TP53BP1: variants seen among roughly 807,000 people sequenced by gnomAD.
TP53BP1 encodes the protein tumor protein p53 binding protein 1.
Under a neutral mutation model 200.8 loss-of-function variants are expected in TP53BP1, and 61 were observed. That is an observed-to-expected ratio of 0.30 (90% confidence interval 0.25 to 0.38). The LOEUF (loss-of-function observed/expected upper bound fraction) is 0.38, where lower values mean the gene tolerates loss of function less well. TP53BP1 is among the 10% of genes least tolerant of loss of function. The probability of loss-of-function intolerance (pLI) is 1.00; values close to 1 mark genes in which losing one functional copy is unlikely to be tolerated. For synonymous variants in TP53BP1, 822 were observed against 844.3 expected (o/e 0.97, Z 0.46); for missense variants, 2,144 against 2,371.9 (o/e 0.90, Z 2.00).
chr15:43,475,325 A>T (rs1409619068), intron 9 of TP53BP1, among the ~76,000 whole-genome samples: 1 of 152,256 alleles, frequency 6.6e-6, no homozygotes, highest in Non-Finnish European at 1.5e-5. Flanking sequence ...ACATTTTCTA[A>T]ATAACTGCGC....
At position 43,432,311 on chromosome 15, in the gene TP53BP1, C is replaced by T. The variant is rs371446511; in HGVS notation, c.3558G>A (p.Gly1186=). Residue 1186 remains glycine, a synonymous_variant, in exon 17 of 28, where the codon GGG becomes GGA. Transcript: ENST00000382044. The part of the protein sequence containing the change: ...TQTIKNVCEQ[G]TSTVDQNFGK... ...CAAAGTTCTGGTCCACTGTACTGGT[C>T]CCCTGCTCACACACATTCTTTATAG... The T allele has an allele frequency of 4.5e-5, 72 of 1,614,032 alleles. No homozygotes were observed. Among genetic ancestry groups the T allele is most frequent in the Non-Finnish European group, 3.4e-5 (40 of 1,180,022 alleles).
In TP53BP1 at chr15:43,404,157, C is replaced by A; in HGVS notation, c.*3226G>T. Reference sequence around the variant, plus strand: ...AAACGGGTTCTCCCCAACCCCAGTACTTGACAAAATACATTAACTGGAAAC... The same window carrying A: ...AAACGGGTTCTCCCCAACCCCAGTAATTGACAAAATACATTAACTGGAAAC... On this transcript the variant is annotated 3_prime_UTR_variant, in exon 28 of 28. Transcript: ENST00000382044. The A allele has an allele frequency of 1.9e-6, 1 of 538,960 alleles. No homozygotes were observed. Among genetic ancestry groups the A allele is most frequent in the Non-Finnish European group, 3.3e-6 (1 of 304,676 alleles). The allele number at this position is 538,960 out of a possible 1,614,324, so 33.4% of individuals were successfully genotyped here.
At chr15:43,453,582 C>CT (rs886890330) in intron 12 of TP53BP1, among the ~76,000 whole-genome samples, 134 of 144,004 alleles carry the variant, frequency 9.3e-4, no homozygotes, top group South Asian at 1.5e-3. Flanking sequence ...TAAATAGGGA[C>CT]TTTTTTTTTT....
intron 14 of TP53BP1, among the ~76,000 whole-genome samples, chr15:43,443,513 G>A (rs990760565): frequency 1.3e-5 from 2 of 151,716 alleles, no homozygotes; most frequent in South Asian, 2.1e-4. Flanking sequence ...CTAACATGGC[G>A]AAGCCCCATC....
chr15:43,509,049 C>A (rs2079254298), intron 1 of TP53BP1, among the ~76,000 whole-genome samples: 1 of 152,110 alleles, frequency 6.6e-6, no homozygotes, highest in Admixed American at 6.5e-5. Flanking sequence ...GCGGCCTCAT[C>A]TCTGCAGTTG....
chr15:43,446,559 T>C lies in TP53BP1; in HGVS notation c.2868A>G (p.Ala956=). The part of the protein sequence containing the change: ...GISNYPESTI[A]TSDVMSESMV... The stretch of plus-strand genomic sequence containing the variant: ...TGCTTTCAGACATGACATCACTGGT[T>C]GCTATGGTGCTTTCTGGATAGTTGC... The change falls in exon 14 of 28, where the codon GCA becomes GCG. Residue 956 remains alanine, a synonymous_variant. Transcript: ENST00000382044. 6.2e-7 allele frequency: 1 copy of C among 1,614,156 alleles called. No homozygotes were observed. Among genetic ancestry groups the C allele is most frequent in the Non-Finnish European group, 8.5e-7 (1 of 1,180,020 alleles).
chr15:43,487,763 G>A lies in TP53BP1; in HGVS notation c.371+3906C>T, dbSNP rs573681101. Among the ~76,000 whole-genome samples, 4 of 142,904 alleles carry A rather than the reference G, an allele frequency of 2.8e-5. No individual in the cohort carries two copies. The South Asian group carries it at 6.6e-4, about 23-fold the overall frequency. 93.8% of individuals were successfully genotyped at this position (142,904 alleles called of 152,430 possible). ...GCTGAGATTGCATTCCAGCCTGGGC[G>A]ACAGAGCAAGACTCCATCTCAAAAA... On this transcript the variant is annotated intron_variant, in intron 4 of 27. Transcript: ENST00000382044.
In TP53BP1 at chr15:43,432,520, G is replaced by A. The variant is rs768426673; in HGVS notation, c.3349C>T (p.Pro1117Ser). 6.2e-7 allele frequency: 1 copy of A among 1,614,090 alleles called. No individual in the cohort carries two copies. Among genetic ancestry groups the A allele is most frequent in the Non-Finnish European group, 8.5e-7 (1 of 1,180,008 alleles). ...ATTGCCTCTCCTTGAGGACTGGATGGCCCTTGTATGACCATCTTCTGGGAA... is the reference window on the plus strand; with the variant it reads ...ATTGCCTCTCCTTGAGGACTGGATGACCCTTGTATGACCATCTTCTGGGAA... Reference protein sequence around the residue: ...PASQKMVIQGPSSPQGEAMVT... With the variant: ...PASQKMVIQGSSSPQGEAMVT... Residue 1117 changes from proline (P) to serine (S), a missense_variant, in exon 17 of 28, where the codon CCA becomes TCA. Pro to Ser is a moderately conservative substitution (Grantham distance 74). This residue lies in a region of TP53BP1 where 1,700 missense variants were observed against 1,710.3 expected (regional missense o/e 0.99). Coordinates refer to ENST00000382044, the MANE Select transcript of TP53BP1 (RefSeq NM_001141980.3).
In TP53BP1 at chr15:43,428,158, T is replaced by C; in HGVS notation, c.3686A>G (p.Glu1229Gly). The stretch of plus-strand genomic sequence containing the variant: ...ATGTGGAGGCTGAGGCATATCAAAC[T>C]CTTCTTCTCCCTGTGACAGAAAATA... Reference protein sequence around the residue: ...TESLHSQGEEEFDMPQPPHGH... With the variant: ...TESLHSQGEEGFDMPQPPHGH... The change falls in exon 18 of 28, where the codon GAG becomes GGG. Residue 1229 changes from glutamate to glycine, a missense_variant. Glu to Gly is a moderately conservative substitution (Grantham distance 98). This residue lies in a region of TP53BP1 where 1,700 missense variants were observed against 1,710.3 expected (regional missense o/e 0.99). Coordinates refer to ENST00000382044, the MANE Select transcript of TP53BP1 (RefSeq NM_001141980.3). The C allele has an allele frequency of 6.2e-7, 1 of 1,613,428 alleles. No homozygotes were observed. Among genetic ancestry groups the C allele is most frequent in the Non-Finnish European group, 8.5e-7 (1 of 1,179,736 alleles).
intron 12 of TP53BP1, among the ~76,000 whole-genome samples, chr15:43,454,257 T>C (rs893246023): frequency 2.6e-5 from 4 of 152,282 alleles, no homozygotes; most frequent in African/African-American, 9.6e-5. Flanking sequence ...ACTCATACTA[T>C]CATATGTAAA....
At chr15:43,470,156 C>T in intron 10 of TP53BP1, 90 bp from the exon 11 acceptor site, 1 of 1,047,556 alleles carries the variant, frequency 9.5e-7, no homozygotes, top group Non-Finnish European at 1.4e-6. Flanking sequence ...ACACTACAGA[C>T]ATTTTCACTC....
rs1266239457 is a variant in TP53BP1 at position 43,421,861 on chromosome 15, T to C, written c.4094A>G (p.Lys1365Arg). 6.2e-7 allele frequency: 1 copy of C among 1,614,106 alleles called. No homozygotes were observed. The highest frequency in any genetic ancestry group is 1.3e-5 in the African/African-American group (1 of 74,952). The change falls in exon 19 of 28, where the codon AAA becomes AGA. Residue 1365 changes from lysine to arginine, a missense_variant. Physicochemically the swap from Lys to Arg is conservative, Grantham distance 26 (BLOSUM62 2). Coordinates refer to ENST00000382044, the MANE Select transcript of TP53BP1 (RefSeq NM_001141980.3). Reference sequence around the variant, plus strand: ...CTGGAGACCCTGTCTGCACCTCAGTTTTCCTGGGCCTCCTCGGGAGCTGGG... The same window carrying C: ...CTGGAGACCCTGTCTGCACCTCAGTCTTCCTGGGCCTCCTCGGGAGCTGGG... ...ALPSSRGGPG[K>R]LSPRKGVSQT... is the part of the protein sequence containing the mutation.
chr15:43,415,202 C>CT (rs763958465), intron 23 of TP53BP1: 7,953 of 187,348 alleles, frequency 0.042, 60 homozygotes, highest in South Asian at 0.069. Context: ...TCCTGGCCTT[C>CT]TTTTTTTTTT....
intron 15 of TP53BP1, among the ~76,000 whole-genome samples, chr15:43,440,598 G>T (rs2045906655): frequency 6.6e-6 from 1 of 151,830 alleles, no homozygotes; most frequent in African/African-American, 2.4e-5. Flanking sequence ...TCTAATTTAA[G>T]AATTCTTGGT....
At chr15:43,412,339 TAGTC>T (rs1235989862) in intron 24 of TP53BP1, among the ~76,000 whole-genome samples, 1 of 152,192 alleles carries the variant, frequency 6.6e-6, no homozygotes, top group South Asian at 2.1e-4. Context: ...AAGACAACAT[TAGTC>T]AGAACTCTAA....
chr15:43,412,208 G>C (rs1394867375), intron 24 of TP53BP1, among the ~76,000 whole-genome samples: 1 of 152,096 alleles, frequency 6.6e-6, no homozygotes, highest in South Asian at 2.1e-4. Flanking sequence ...GGCTGCAGTC[G>C]GTGAGATATA....
chr15:43,454,252 T>C (rs1470524745), intron 12 of TP53BP1, among the ~76,000 whole-genome samples: 1 of 152,182 alleles, frequency 6.6e-6, no homozygotes, highest in African/African-American at 2.4e-5. Context: ...TGGTCACTCA[T>C]ACTATCATAT....
At chr15:43,504,556 T>C (rs2079226310) in intron 1 of TP53BP1, among the ~76,000 whole-genome samples, 1 of 152,218 alleles carries the variant, frequency 6.6e-6, no homozygotes, top group South Asian at 2.1e-4. Flanking sequence ...TTAAATCCTT[T>C]GTGGAATGAG....
At position 43,430,075 on chromosome 15, in the gene TP53BP1, A is replaced by G. The variant is rs141794623; in HGVS notation, c.3676-1907T>C. Among the ~76,000 whole-genome samples, 47 of 152,324 alleles carry G rather than the reference A, an allele frequency of 3.1e-4. No homozygotes were observed. In the East Asian group the frequency reaches 8.3e-3, roughly 27 times the overall value. On this transcript the variant is annotated intron_variant, in intron 17 of 27. Transcript: ENST00000382044. ...AGAAAACTATGTTTACTCACTTCAA[A>G]TACTCTTCTGAAAAGAGGTGTCTGT...
Sources: allele counts gnomAD v4.1 joint callset (sites outside exome capture counted in the v4.1 genomes callset), GRCh38; gene constraint gnomAD v4.1.1; regional missense constraint gnomAD v4.1.1; transcripts MANE v1.5; gene names NCBI Gene and HGNC (gene_info 2026-07-23, HGNC 2026-07-21).